The following CENPW variants were observed in gnomAD, a reference collection of about 807,000 sequenced individuals.
The protein encoded by CENPW is centromere protein W.
A neutral mutation model predicts 11.1 loss-of-function variants in CENPW; 3 were observed. That is an observed-to-expected ratio of 0.27 (90% CI 0.12 to 0.70). CENPW has a LOEUF of 0.70. Among genes scored for constraint, CENPW ranks in the 30% least tolerant of loss-of-function variants. The pLI, the probability that CENPW is intolerant of heterozygous loss-of-function variation, is 0.77. For missense variants in CENPW, 100 were observed against 105.6 expected, an observed-to-expected ratio of 0.95 and a Z score of 0.23; for synonymous variants, 38 against 42.0, an observed-to-expected ratio of 0.91 and a Z score of 0.37.
chr6:126,395,517 T>A, the CENPW span, among the ~76,000 whole-genome samples: 1 of 152,246 alleles, frequency 6.6e-6, no homozygotes, highest in Non-Finnish European at 1.5e-5. Context: ...CACATATCTT[T>A]GTCTCTCCAG....
the CENPW span, among the ~76,000 whole-genome samples, chr6:126,458,352 C>T: frequency 4.6e-5 from 7 of 151,350 alleles, no homozygotes; most frequent in Non-Finnish European, 7.4e-5. Flanking sequence ...CTCTCTCACT[C>T]TTCCCCCAAA....
At chr6:126,478,314 C>T in the CENPW span, among the ~76,000 whole-genome samples, 1 of 151,728 alleles carries the variant, frequency 6.6e-6, no homozygotes, top group Non-Finnish European at 1.5e-5. Flanking sequence ...AAAAGACAAG[C>T]ACTTCATTTT....
chr6:126,382,628 C>T, the CENPW span, among the ~76,000 whole-genome samples: 1 of 152,028 alleles, frequency 6.6e-6, no homozygotes, highest in East Asian at 1.9e-4. Context: ...AAACACACCA[C>T]AAGAATTATA....
the CENPW span, among the ~76,000 whole-genome samples, chr6:126,370,443 C>T: frequency 6.6e-6 from 1 of 152,104 alleles, no homozygotes; most frequent in Non-Finnish European, 1.5e-5. Flanking sequence ...CTTTCATCAG[C>T]ATTTTGTAGT....
the CENPW span, among the ~76,000 whole-genome samples, chr6:126,480,600 G>C: frequency 6.6e-6 from 1 of 151,956 alleles, no homozygotes; most frequent in East Asian, 1.9e-4. Flanking sequence ...ACCACAAAAT[G>C]AATGGGAAGA....
At chr6:126,427,301 T>TTACATGGTAG in the CENPW span, among the ~76,000 whole-genome samples, 1 of 152,180 alleles carries the variant, frequency 6.6e-6, no homozygotes, top group Non-Finnish European at 1.5e-5. Flanking sequence ...GAGGTTAAAA[T>TTACATGGTAG]TACATGGTAG....
At chr6:126,428,505 A>G in the CENPW span, among the ~76,000 whole-genome samples, 1 of 152,132 alleles carries the variant, frequency 6.6e-6, no homozygotes, top group African/African-American at 2.4e-5. Context: ...AGTGGAGGGT[A>G]ACTTTGCATA....
the CENPW span, among the ~76,000 whole-genome samples, chr6:126,439,479 T>C: frequency 6.6e-6 from 1 of 151,618 alleles, no homozygotes; most frequent in Non-Finnish European, 1.5e-5. Flanking sequence ...TGGTTATGCA[T>C]GTATGAGGGT....
chr6:126,437,571 C>A, the CENPW span, among the ~76,000 whole-genome samples: 72 of 151,956 alleles, frequency 4.7e-4, no homozygotes, highest in African/African-American at 1.7e-3. Context: ...GTTTTGTCTA[C>A]AAATGGAAAT....
the CENPW span, among the ~76,000 whole-genome samples, chr6:126,436,056 C>T: frequency 1.3e-4 from 19 of 151,676 alleles, no homozygotes; most frequent in Non-Finnish European, 2.2e-4. Context: ...TTTAGCGTTC[C>T]GGGGTCAGTG....
the CENPW span, among the ~76,000 whole-genome samples, chr6:126,418,260 A>G: frequency 5.6e-4 from 85 of 152,376 alleles, no homozygotes; most frequent in African/African-American, 1.9e-3. Flanking sequence ...ATCAAGATAC[A>G]TAATAATATA....
the CENPW span, among the ~76,000 whole-genome samples, chr6:126,438,093 T>C: frequency 6.6e-6 from 1 of 151,634 alleles, no homozygotes; most frequent in Non-Finnish European, 1.5e-5. Context: ...TTATTAGTAA[T>C]TACCCTGGAA....
the CENPW span, among the ~76,000 whole-genome samples, chr6:126,380,480 G>A: frequency 6.6e-6 from 1 of 152,138 alleles, no homozygotes; most frequent in East Asian, 1.9e-4. Context: ...GTTGTTCATG[G>A]CAGAGGGTTT....
the CENPW span, among the ~76,000 whole-genome samples, chr6:126,378,368 AG>A: frequency 1.3e-5 from 2 of 152,038 alleles, no homozygotes. Context: ...TAATTGTTAT[AG>A]TACCATAAAA....
chr6:126,473,977 C>G, the CENPW span, among the ~76,000 whole-genome samples: 2 of 147,270 alleles, frequency 1.4e-5, no homozygotes, highest in African/African-American at 5.0e-5. Flanking sequence ...ATAGAATATA[C>G]AGAATATATA....
the CENPW span, among the ~76,000 whole-genome samples, chr6:126,410,922 C>T: frequency 4.6e-5 from 7 of 151,808 alleles, no homozygotes; most frequent in Admixed American, 4.6e-4. Context: ...TCTGTATTTT[C>T]CTCTACCTCA....
chr6:126,442,411 A>G, the CENPW span, among the ~76,000 whole-genome samples: 4 of 151,454 alleles, frequency 2.6e-5, no homozygotes, highest in Admixed American at 1.3e-4. Flanking sequence ...AAAAGAAATG[A>G]TCAGCAGAAT....
chr6:126,472,426 T>C, the CENPW span, among the ~76,000 whole-genome samples: 1 of 152,204 alleles, frequency 6.6e-6, no homozygotes. Flanking sequence ...ACTCTTTCTT[T>C]TTCTGGCTTC....
chr6:126,365,376 T>G, the CENPW span, among the ~76,000 whole-genome samples: 2 of 152,188 alleles, frequency 1.3e-5, no homozygotes, highest in African/African-American at 4.8e-5. Context: ...TCTACAGGCT[T>G]CTGCTTCTGG....
Sources: allele counts gnomAD v4.1 joint callset (sites outside exome capture counted in the v4.1 genomes callset), GRCh38; gene constraint gnomAD v4.1.1; transcripts MANE v1.5; gene names NCBI Gene and HGNC (gene_info 2026-07-23, HGNC 2026-07-21).